Variants in ADK observed in about 807,000 individuals in gnomAD.
ADK encodes the protein adenosine kinase.
In ADK, 24 loss-of-function variants were observed where a neutral mutation model predicts 44.7. The ratio of observed to expected loss-of-function variants is 0.54; its 90% CI spans 0.39 to 0.76. ADK has a LOEUF of 0.76. Ranked by LOEUF, ADK falls within the 30% of genes least tolerant of loss-of-function variation. ADK has a pLI of 0.00. For missense variants in ADK, 321 were observed against 425.1 expected, an observed-to-expected ratio of 0.76 and a Z score of 2.15; for synonymous variants, 128 against 142.6, an observed-to-expected ratio of 0.90 and a Z score of 0.73.
At chr10:74,492,496 G>C (rs1564752125) in intron 6 of ADK, among the ~76,000 whole-genome samples, 1 of 152,138 alleles carries the variant, frequency 6.6e-6, no homozygotes, top group Non-Finnish European at 1.5e-5. Flanking sequence ...CTCATGGACT[G>C]TTATAAAGGC....
At chr10:74,531,415 T>A (rs1297330655) in intron 7 of ADK, among the ~76,000 whole-genome samples, 1 of 152,198 alleles carries the variant, frequency 6.6e-6, no homozygotes, top group Non-Finnish European at 1.5e-5. Context: ...TAAATCATAC[T>A]CAAGAAGAAA....
chr10:74,521,351 C>G (rs1848826928), intron 6 of ADK, among the ~76,000 whole-genome samples: 1 of 152,156 alleles, frequency 6.6e-6, no homozygotes, highest in Non-Finnish European at 1.5e-5. Flanking sequence ...TCACAAGACT[C>G]TTGTGTTGTA....
rs71021599 is a variant in ADK at position 74,280,415 on chromosome 10, AACACACACAC to A, written c.195-34229_195-34220del. Among the ~76,000 whole-genome samples, 6 of 144,342 alleles carry A rather than the reference AACACACACAC, an allele frequency of 4.2e-5. 1 individual carries two copies. The highest frequency in any genetic ancestry group is 6.1e-5 in the Non-Finnish European group (4 of 66,058). 94.7% of individuals were successfully genotyped at this position (144,342 alleles called of 152,430 possible). On this transcript the variant is annotated intron_variant, in intron 3 of 10. Transcript: ENST00000539909. ...CCGCGCCCGGCCTTAAACAAGTTTA[AACACACACAC>A]ACACACACACACACACACACACGTT...
chr10:74,476,926 A>G (rs1846871456), intron 6 of ADK, among the ~76,000 whole-genome samples: 1 of 152,066 alleles, frequency 6.6e-6, no homozygotes, highest in South Asian at 2.1e-4. Flanking sequence ...TTTTTTACTT[A>G]GCAAAATTCA....
intron 6 of ADK, among the ~76,000 whole-genome samples, chr10:74,422,685 A>G (rs146459233): frequency 1.3e-5 from 2 of 152,300 alleles, no homozygotes; most frequent in East Asian, 3.9e-4. Context: ...CAAGATACTG[A>G]TAGGTTACAT....
At chr10:74,484,248 C>A (rs1847187958) in intron 6 of ADK, among the ~76,000 whole-genome samples, 1 of 151,996 alleles carries the variant, frequency 6.6e-6, no homozygotes, top group Admixed American at 6.6e-5. Context: ...ATGGCTGGAG[C>A]AGAAGGAAGA....
chr10:74,541,083 C>T (rs185100766), intron 7 of ADK, among the ~76,000 whole-genome samples: 17 of 152,174 alleles, frequency 1.1e-4, no homozygotes, highest in Non-Finnish European at 2.2e-4. Flanking sequence ...GGCATCATCT[C>T]GGCTCACTGC....
chr10:74,504,094 G>A (rs1009488681), intron 6 of ADK, among the ~76,000 whole-genome samples: 5 of 152,186 alleles, frequency 3.3e-5, no homozygotes, highest in East Asian at 1.9e-4. Context: ...CCACAGTTCC[G>A]AAACTGTGCA....
chr10:74,192,739 CTGG>C (rs1842995541), intron 1 of ADK, among the ~76,000 whole-genome samples: 1 of 151,690 alleles, frequency 6.6e-6, no homozygotes, highest in South Asian at 2.1e-4. Context: ...GTTGCCCAGG[CTGG>C]TCTTGAGCTC....
At chr10:74,572,741 A>G (rs1034225071) in intron 7 of ADK, among the ~76,000 whole-genome samples, 2 of 151,782 alleles carry the variant, frequency 1.3e-5, no homozygotes, top group African/African-American at 4.8e-5. Flanking sequence ...TTCTCGCTTC[A>G]TTTCATTCAT....
intron 9 of ADK, among the ~76,000 whole-genome samples, chr10:74,668,710 G>A (rs1855061611): frequency 6.6e-6 from 1 of 152,202 alleles, no homozygotes; most frequent in Admixed American, 6.5e-5. Flanking sequence ...ACTCCAGCCT[G>A]GGCAATAGAA....
At chr10:74,665,095 A>G (rs1190047256) in intron 9 of ADK, among the ~76,000 whole-genome samples, 2 of 152,198 alleles carry the variant, frequency 1.3e-5, no homozygotes, top group Admixed American at 1.3e-4. Flanking sequence ...GAAAGAATAA[A>G]TAATGTTATA....
chr10:74,670,228 A>C lies in ADK; in HGVS notation c.923A>C (p.Glu308Ala). 1 of 1,614,020 alleles carries C rather than the reference A, an allele frequency of 6.2e-7. No homozygotes were observed. Among genetic ancestry groups the C allele is most frequent in the Non-Finnish European group, 8.5e-7 (1 of 1,179,938 alleles). ...AFAVLDQDQK[E>A]IIDTNGAGDA... is the part of the protein sequence containing the mutation. ...GCTGTCTTGGATCAAGACCAGAAAGAAATTATTGATACCAATGGAGCTGGA... is the reference window on the plus strand; with the variant it reads ...GCTGTCTTGGATCAAGACCAGAAAGCAATTATTGATACCAATGGAGCTGGA... The change falls in exon 10 of 11, where the codon GAA (glutamate) becomes GCA (alanine). Residue 308 changes from glutamate (E) to alanine (A), a missense_variant. Glu to Ala is a moderately radical substitution (Grantham distance 107). Transcript: ENST00000539909.
chr10:74,155,808 A>G (rs139300940), intron 1 of ADK, among the ~76,000 whole-genome samples: 1 of 152,190 alleles, frequency 6.6e-6, no homozygotes, highest in Non-Finnish European at 1.5e-5. Flanking sequence ...GCTGGATTAC[A>G]GGGGTGAGCC....
intron 3 of ADK, among the ~76,000 whole-genome samples, chr10:74,291,058 C>T (rs1410621702): frequency 6.6e-6 from 1 of 152,048 alleles, no homozygotes; most frequent in Non-Finnish European, 1.5e-5. Flanking sequence ...TTTTATTGCC[C>T]ATATGTAAAA....
At chr10:74,428,141 A>G (rs1310363758) in intron 6 of ADK, among the ~76,000 whole-genome samples, 1 of 152,008 alleles carries the variant, frequency 6.6e-6, no homozygotes, top group Non-Finnish European at 1.5e-5. Flanking sequence ...AGAGTAATCC[A>G]CTCATTAGGG....
chr10:74,317,934 A>G (rs900312263), intron 4 of ADK, among the ~76,000 whole-genome samples: 2 of 152,076 alleles, frequency 1.3e-5, no homozygotes, highest in African/African-American at 4.8e-5. Context: ...GGTGTATGCC[A>G]CAAAGCCCAG....
At chr10:74,702,524 T>TTCCTTCCTTCCTTCC (rs1589382755) in intron 10 of ADK, among the ~76,000 whole-genome samples, 302 of 120,884 alleles carry the variant, frequency 2.5e-3, no homozygotes, top group African/African-American at 8.5e-3. Context: ...TCCTTCCTTC[T>TTCCTTCCTTCCTTCC]TTCCTTCCTT....
At chr10:74,207,188 C>T (rs1469551331) in intron 2 of ADK, among the ~76,000 whole-genome samples, 2 of 152,110 alleles carry the variant, frequency 1.3e-5, no homozygotes, top group Admixed American at 6.6e-5. Flanking sequence ...ACTGTAGGAA[C>T]CCACGTCTGG....
Sources: allele counts gnomAD v4.1 joint callset (sites outside exome capture counted in the v4.1 genomes callset), GRCh38; gene constraint gnomAD v4.1.1; transcripts MANE v1.5; gene names NCBI Gene and HGNC (gene_info 2026-07-23, HGNC 2026-07-21).